Variants in TEKT2 observed in about 807,000 individuals in gnomAD.
The protein encoded by TEKT2 is tektin-2.
A neutral mutation model predicts 49.8 loss-of-function variants in TEKT2; 45 were observed. That is an observed-to-expected ratio of 0.90 (90% CI 0.71 to 1.16). TEKT2 has a LOEUF of 1.16. Among genes scored for constraint, TEKT2 ranks in the 50% most tolerant of loss-of-function variants. The pLI, the probability that TEKT2 is intolerant of heterozygous loss-of-function variation, is 0.00. For synonymous variants in TEKT2, 202 were observed against 224.6 expected, an observed-to-expected ratio of 0.90 and a Z score of 0.90; for missense variants, 523 against 551.4, an observed-to-expected ratio of 0.95 and a Z score of 0.52.
intron 4 of TEKT2, among the ~76,000 whole-genome samples, chr1:36,086,411 G>C (rs1254708159): frequency 6.6e-6 from 1 of 152,078 alleles, no homozygotes; most frequent in South Asian, 2.1e-4. Flanking sequence ...ATTTCCACTC[G>C]ATTTTCATCC....
chr1:36,085,853 G>A lies in TEKT2; in HGVS notation c.300G>A (p.Glu100=). The part of the protein sequence containing the change: ...DALTQMKESA[E]QNLQAKNLPL... ...TTTTCTAGATGAAGGAGTCAGCAGA[G>A]CAAAACCTGCAGGCCAAGAACCTGC... The change falls in exon 4 of 10, where the codon GAG becomes GAA. Residue 100 remains glutamate, a synonymous_variant. Transcript: ENST00000207457. 1 of 1,613,748 alleles carries A rather than the reference G, an allele frequency of 6.2e-7. No individual in the cohort carries two copies. The highest frequency in any genetic ancestry group is 1.1e-5 in the South Asian group (1 of 91,010).
chr1:36,087,624 G>A lies in TEKT2; in HGVS notation c.999+42G>A, dbSNP rs894903279. ...GTGGCGCACGGGCCCCCTAGCCAAG[G>A]TTTTCTCATATTCCTGATGGAGCAA... On this transcript the variant is annotated intron_variant, in intron 8 of 9. Transcript: ENST00000207457. The surrounding 1 kb of genome is among the most constrained non-coding windows in gnomAD (Gnocchi z 4.9). 1 of 1,613,428 alleles carries A rather than the reference G, an allele frequency of 6.2e-7. No individual in the cohort carries two copies. Among genetic ancestry groups the A allele is most frequent in the South Asian group, 1.1e-5 (1 of 91,020 alleles).
chr1:36,086,895 C>T, intron 5 of TEKT2, 36 bp from the exon 6 acceptor site: 2 of 1,614,038 alleles, frequency 1.2e-6, no homozygotes, highest in Admixed American at 1.7e-5. Context: ...TCCCAGGCCA[C>T]ACCCTCATGA....
At position 36,087,797 on chromosome 1, in the gene TEKT2, G is replaced by C. The variant is rs1385690894; in HGVS notation, c.1069G>C (p.Ala357Pro). The C allele has an allele frequency of 2.5e-6, 4 of 1,613,676 alleles. No individual in the cohort carries two copies. The South Asian group carries it at 4.4e-5, about 18-fold the overall frequency. ...ATIAALKQKLAQAQDALDALC... is the reference protein window; with the variant it reads ...ATIAALKQKLPQAQDALDALC... Reference sequence around the variant, plus strand: ...CATCGCTGCCCTGAAGCAGAAGCTGGCGCAAGCACAGTAGGTCTCGGGAGT... The same window carrying C: ...CATCGCTGCCCTGAAGCAGAAGCTGCCGCAAGCACAGTAGGTCTCGGGAGT... Residue 357 changes from alanine (A) to proline (P), a missense_variant, in exon 9 of 10, where the codon GCG becomes CCG. Coordinates refer to ENST00000207457, the MANE Select transcript of TEKT2 (RefSeq NM_014466.3). This position sits in a 1 kb window ranked among gnomAD's most constrained non-coding sequence, Gnocchi z 4.9.
chr1:36,084,767 A>T lies in TEKT2; in HGVS notation c.-52-103A>T. 8.9e-7 allele frequency: 1 copy of T among 1,124,080 alleles called. No homozygotes were observed. The highest frequency in any genetic ancestry group is 1.3e-6 in the Non-Finnish European group (1 of 751,788). The allele number at this position is 1,124,080 out of a possible 1,614,324, so 69.6% of individuals were successfully genotyped here. A position where few individuals can be genotyped will look rare whatever the true frequency, so the allele number is the denominator to read the frequency against. ...TGTCTCCAAGCAGGCTTCCAGCAGGACAGGGCTCAGAGCAAAATGGACAGG... is the reference window on the plus strand; with the variant it reads ...TGTCTCCAAGCAGGCTTCCAGCAGGTCAGGGCTCAGAGCAAAATGGACAGG... On this transcript the variant is annotated intron_variant, in intron 1 of 9. Coordinates refer to ENST00000207457, the MANE Select transcript of TEKT2 (RefSeq NM_014466.3). The surrounding 1 kb of genome is among the most constrained non-coding windows in gnomAD (Gnocchi z 4.1).
Position 36,087,146 on chromosome 1 carries a change from AT to A in TEKT2, c.748-57del. 6.2e-7 allele frequency: 1 copy of A among 1,605,882 alleles called. No homozygotes were observed. On this transcript the variant is annotated intron_variant, in intron 6 of 9. Coordinates refer to ENST00000207457, the MANE Select transcript of TEKT2 (RefSeq NM_014466.3). This position sits in a 1 kb window ranked among gnomAD's most constrained non-coding sequence, Gnocchi z 4.9. ...TGGCCCCCTGCCCCTCGCTTGAGTAATATCCTCAGGCAGCCCTGAGTGTAGA... is the reference window on the plus strand; with the variant it reads ...TGGCCCCCTGCCCCTCGCTTGAGTAAATCCTCAGGCAGCCCTGAGTGTAGA...
At position 36,087,824 on chromosome 1, in the gene TEKT2, G is replaced by A. The variant is rs770884687; in HGVS notation, c.1079+17G>A. On this transcript the variant is annotated intron_variant, in intron 9 of 9. Transcript: ENST00000207457. The surrounding 1 kb of genome is among the most constrained non-coding windows in gnomAD (Gnocchi z 4.9). ...GCAAGCACAGTAGGTCTCGGGAGTG[G>A]GCGGAAGGAGCAGTGAGACGCTGCC... 8 of 1,613,138 alleles carry A rather than the reference G, an allele frequency of 5.0e-6. No homozygotes were observed. Among genetic ancestry groups the A allele is most frequent in the Non-Finnish European group, 6.8e-6 (8 of 1,179,776 alleles).
chr1:36,087,075 T>A lies in TEKT2; in HGVS notation c.747+30T>A. On this transcript the variant is annotated intron_variant, in intron 6 of 9. Transcript: ENST00000207457. This position sits in a 1 kb window ranked among gnomAD's most constrained non-coding sequence, Gnocchi z 4.9. ...CAGGCCACCCACAGCTAATGGATGG[T>A]CCCAGTGTGCGCTCAGCCCTTATCT... The A allele has an allele frequency of 6.2e-7, 1 of 1,609,960 alleles. No homozygotes were observed. The highest frequency in any genetic ancestry group is 8.5e-7 in the Non-Finnish European group (1 of 1,177,076).
At position 36,087,857 on chromosome 1, in the gene TEKT2, G is replaced by A; in HGVS notation, c.1079+50G>A. 6.2e-7 allele frequency: 1 copy of A among 1,606,068 alleles called. No individual in the cohort carries two copies. Among genetic ancestry groups the A allele is most frequent in the Non-Finnish European group, 8.5e-7 (1 of 1,176,132 alleles). On this transcript the variant is annotated intron_variant, in intron 9 of 9. Transcript: ENST00000207457. The surrounding 1 kb of genome is among the most constrained non-coding windows in gnomAD (Gnocchi z 4.9). ...GAGCAGTGAGACGCTGCCCACAAAT[G>A]GGGCCTCTTGCTGGCTGCTGGCTCC...
In TEKT2 at chr1:36,085,914, G is replaced by C. The variant is rs1344939798; in HGVS notation, c.361G>C (p.Glu121Gln). 6.2e-7 allele frequency: 1 copy of C among 1,614,106 alleles called. No homozygotes were observed. The highest frequency in any genetic ancestry group is 1.7e-5 in the Admixed American group (1 of 60,008). ...GGCCATTGAGTGCCTGACCCTGCGG[G>C]AAAGCCGGCGAGACATTGATGTGGT... is the stretch of plus-strand genomic sequence containing the variant. ...DVAIECLTLR[E>Q]SRRDIDVVKD... Residue 121 changes from glutamate to glutamine, a missense_variant, in exon 4 of 10, where the codon GAA (glutamate) becomes CAA (glutamine). Transcript: ENST00000207457.
Position 36,085,292 on chromosome 1 carries a change from G to A in TEKT2, c.282+4G>A, listed in dbSNP as rs1280469046. The A allele has an allele frequency of 6.2e-7, 1 of 1,613,730 alleles. No homozygotes were observed. Among genetic ancestry groups the A allele is most frequent in the African/African-American group, 1.3e-5 (1 of 74,896 alleles). On this transcript the variant is annotated splice_donor_region_variant and intron_variant, in intron 3 of 9. Transcript: ENST00000207457. ...CGAGATCGATGCCCTGACACAGGCA[G>A]GGATCCAGGACTGGGTGCCCGGGGG...
chr1:36,085,370 TG>T, intron 3 of TEKT2, 82 bp downstream of exon 3: 3 of 1,601,494 alleles, frequency 1.9e-6, no homozygotes, highest in Non-Finnish European at 1.7e-6. Flanking sequence ...AAGCCCTTGA[TG>T]GGGGGTCATG....
At chr1:36,086,497 C>T (rs983297075) in intron 4 of TEKT2, among the ~76,000 whole-genome samples, 3 of 151,718 alleles carry the variant, frequency 2.0e-5, no homozygotes, top group Non-Finnish European at 4.4e-5. Context: ...CACGTGGGGG[C>T]AGCATTTTTA....
chr1:36,085,632 A>G (rs1054116987), intron 3 of TEKT2: 4 of 626,682 alleles, frequency 6.4e-6, no homozygotes, highest in African/African-American at 5.7e-5. Context: ...CTCCTGCCTC[A>G]GCCTCCTGAG....
In TEKT2 at chr1:36,086,939, C is replaced by A; in HGVS notation, c.641C>A (p.Thr214Lys). The part of the protein sequence containing the change: ...DPTRVPDGST[T>K]LQQWDDFSRF... Reference sequence around the variant, plus strand: ...TTCCCTGCCACCTGCAGCTCCACCACACTCCAGCAGTGGGATGACTTCAGT... The same window carrying A: ...TTCCCTGCCACCTGCAGCTCCACCAAACTCCAGCAGTGGGATGACTTCAGT... Residue 214 changes from threonine to lysine, a missense_variant, in exon 6 of 10, where the codon ACA (threonine) becomes AAA (lysine). Physicochemically the swap from Thr to Lys is moderately conservative, Grantham distance 78. Transcript: ENST00000207457. 2 of 1,613,936 alleles carry A rather than the reference C, an allele frequency of 1.2e-6. No individual in the cohort carries two copies. The highest frequency in any genetic ancestry group is 1.7e-6 in the Non-Finnish European group (2 of 1,180,024).
rs1335709483 is a variant in TEKT2 at position 36,087,949 on chromosome 1, G to T, written c.1080-24G>T. ...GGCCTCCCAGCCTCATGGGGGCTGG[G>T]GGGTTGTCAATGTCCTTCCCTAGGG... On this transcript the variant is annotated intron_variant, in intron 9 of 9. Transcript: ENST00000207457. This position sits in a 1 kb window ranked among gnomAD's most constrained non-coding sequence, Gnocchi z 4.9. The T allele has an allele frequency of 6.2e-7, 1 of 1,602,534 alleles. No individual in the cohort carries two copies. Among genetic ancestry groups the T allele is most frequent in the Non-Finnish European group, 8.5e-7 (1 of 1,174,926 alleles).
At position 36,087,112 on chromosome 1, in the gene TEKT2, C is replaced by T; in HGVS notation, c.747+67C>T. ...CTCAGCCCTTATCTTCTGTTCCCTG[C>T]TGTGCATGTGGCCCCCTGCCCCTCG... On this transcript the variant is annotated intron_variant, in intron 6 of 9. Transcript: ENST00000207457. The surrounding 1 kb of genome is among the most constrained non-coding windows in gnomAD (Gnocchi z 4.9). 1.9e-6 allele frequency: 3 copies of T among 1,604,272 alleles called. No homozygotes were observed. The highest frequency in any genetic ancestry group is 1.7e-6 in the Non-Finnish European group (2 of 1,172,624).
Position 36,087,748 on chromosome 1 carries a change from C to G in TEKT2, c.1020C>G (p.Asp340Glu). 1 of 1,613,800 alleles carries G rather than the reference C, an allele frequency of 6.2e-7. No individual in the cohort carries two copies. Among genetic ancestry groups the G allele is most frequent in the Non-Finnish European group, 8.5e-7 (1 of 1,179,998 alleles). Residue 340 changes from aspartate to glutamate, a missense_variant, in exon 9 of 10, where the codon GAC becomes GAG. By Grantham distance (45) the Asp-to-Glu change is conservative. Transcript: ENST00000207457. The surrounding 1 kb of genome is among the most constrained non-coding windows in gnomAD (Gnocchi z 4.9). ...TCCAGGCACAGTACGGCCTCACCGA[C>G]GAGGTTCACCAGCTAGAGGCAACCA... Reference protein sequence around the residue: ...CRDQAQYGLTDEVHQLEATIA... With the variant: ...CRDQAQYGLTEEVHQLEATIA...
Position 36,084,682 on chromosome 1 carries a change from G to A in TEKT2, c.-52-188G>A, listed in dbSNP as rs1379191902. ...AAGGTCCAGGGGTTTGTGTCCGCCT[G>A]GGGACGGGAGGGAGGGAAACTTAGT... On this transcript the variant is annotated intron_variant, in intron 1 of 9. Transcript: ENST00000207457. The surrounding 1 kb of genome is among the most constrained non-coding windows in gnomAD (Gnocchi z 4.1). Among the ~76,000 whole-genome samples the A allele has an allele frequency of 1.3e-5, 2 of 151,996 alleles. No homozygotes were observed. The highest frequency in any genetic ancestry group is 4.8e-5 in the African/African-American group (2 of 41,382).
Sources: gnomAD v4.1 joint callset for allele counts (sites outside exome capture counted in the v4.1 genomes callset) on GRCh38, gnomAD v4.1.1 for gene constraint, Gnocchi (gnomAD v3.1) non-coding constraint, MANE v1.5 for transcripts, NCBI Gene and HGNC (gene_info 2026-07-23, HGNC 2026-07-21) for gene names.